PCDHGA3: variants seen among roughly 807,000 people sequenced by gnomAD.
The protein encoded by PCDHGA3 is protocadherin gamma-A3.
In PCDHGA3, 40 loss-of-function variants were observed where a neutral mutation model predicts 58.5. The ratio of observed to expected loss-of-function variants is 0.68; its 90% CI spans 0.53 to 0.89. PCDHGA3 has a LOEUF of 0.89. Among genes scored for constraint, PCDHGA3 ranks in the 40% least tolerant of loss-of-function variants. PCDHGA3 has a pLI of 0.00. For synonymous variants in PCDHGA3, 530 were observed against 525.7 expected, an observed-to-expected ratio of 1.01 and a Z score of -0.11; for missense variants, 1,223 against 1,195.9, an observed-to-expected ratio of 1.02 and a Z score of -0.33.
At position 141,372,426 on chromosome 5, in the gene PCDHGA3, C is replaced by A; in HGVS notation, c.2424+25969C>A. ...AGAGATACAACCTGACCTTAGCGAC[C>A]GCCCCACTCCCTCTGACCCTCAGGC... On this transcript the variant is annotated intron_variant, in intron 1 of 3. Coordinates refer to ENST00000253812, the MANE Select transcript of PCDHGA3 (RefSeq NM_018916.4). 1 of 1,614,026 alleles carries A rather than the reference C, an allele frequency of 6.2e-7. No individual in the cohort carries two copies. Among genetic ancestry groups the A allele is most frequent in the Non-Finnish European group, 8.5e-7 (1 of 1,179,890 alleles).
chr5:141,419,393 G>T (rs1226844501), intron 1 of PCDHGA3: 2 of 1,613,620 alleles, frequency 1.2e-6, no homozygotes, highest in Non-Finnish European at 1.7e-6. Context: ...CGCGCAGAGC[G>T]GGGTGGTGTT....
At chr5:141,422,168 G>T in intron 1 of PCDHGA3, 2 of 1,563,582 alleles carry the variant, frequency 1.3e-6, no homozygotes, top group Non-Finnish European at 1.7e-6. Context: ...GAAAAATATA[G>T]ATTCTATGAG....
chr5:141,473,479 G>GA (rs150184379), intron 1 of PCDHGA3, among the ~76,000 whole-genome samples: 6,877 of 152,218 alleles, frequency 0.045, 184 homozygotes, highest in Middle Eastern at 0.088. Flanking sequence ...AAGTTCAATG[G>GA]AAAAAATATA....
At chr5:141,351,402 A>G (rs1326706527) in intron 1 of PCDHGA3, 2 of 1,611,502 alleles carry the variant, frequency 1.2e-6, no homozygotes, top group Admixed American at 1.7e-5. Context: ...GTGACATGCT[A>G]TACTCAGGAA....
chr5:141,467,572 G>A (rs1351985954), intron 1 of PCDHGA3, among the ~76,000 whole-genome samples: 1 of 152,184 alleles, frequency 6.6e-6, no homozygotes, highest in African/African-American at 2.4e-5. Flanking sequence ...TGGCTATCCA[G>A]TTGTCCCAAT....
intron 1 of PCDHGA3, chr5:141,441,910 G>A: frequency 2.9e-6 from 1 of 349,440 alleles, no homozygotes; most frequent in Non-Finnish European, 5.5e-6. Flanking sequence ...AGACGCAGAT[G>A]TGAGACACAA....
chr5:141,397,510 C>T (rs979129643), intron 1 of PCDHGA3, among the ~76,000 whole-genome samples: 2 of 152,098 alleles, frequency 1.3e-5, no homozygotes, highest in African/African-American at 2.4e-5. Context: ...AAAATTGTTT[C>T]CATAGCTAAT....
At chr5:141,451,004 T>A (rs2098704048) in intron 1 of PCDHGA3, among the ~76,000 whole-genome samples, 1 of 151,474 alleles carries the variant, frequency 6.6e-6, no homozygotes, top group South Asian at 2.1e-4. Flanking sequence ...TTTTTGTATT[T>A]TTTTTAGTAG....
At position 141,360,833 on chromosome 5, in the gene PCDHGA3, C is replaced by T. The variant is rs760468418; in HGVS notation, c.2424+14376C>T. 6 of 1,613,964 alleles carry T rather than the reference C, an allele frequency of 3.7e-6. No homozygotes were observed. In the South Asian group the frequency reaches 5.5e-5, roughly 15 times the overall value. On this transcript the variant is annotated intron_variant, in intron 1 of 3. Coordinates refer to ENST00000253812, the MANE Select transcript of PCDHGA3 (RefSeq NM_018916.4). ...ACGACCCAAATCCGAATCAAAGTCA[C>T]GGATGCCAACGATAACCCTCCAGTG... is the stretch of plus-strand genomic sequence containing the variant.
Position 141,477,286 on chromosome 5 carries a change from A to G in PCDHGA3, c.2425-17521A>G, listed in dbSNP as rs1367207950. 1.9e-6 allele frequency: 3 copies of G among 1,614,194 alleles called. No individual in the cohort carries two copies. Among genetic ancestry groups the G allele is most frequent in the Non-Finnish European group, 8.5e-7 (1 of 1,180,034 alleles). ...GCGAGAACGGGCTGGTGACCTGCGA[A>G]GTTCCACCGGGTCTCCCTTTCAGCC... On this transcript the variant is annotated intron_variant, in intron 1 of 3. Coordinates refer to ENST00000253812, the MANE Select transcript of PCDHGA3 (RefSeq NM_018916.4). The surrounding 1 kb of genome is among the most constrained non-coding windows in gnomAD (Gnocchi z 4.9).
At position 141,478,875 on chromosome 5, in the gene PCDHGA3, G is replaced by A. The variant is rs913320768; in HGVS notation, c.2425-15932G>A. On this transcript the variant is annotated intron_variant, in intron 1 of 3. Coordinates refer to ENST00000253812, the MANE Select transcript of PCDHGA3 (RefSeq NM_018916.4). ...ACAAGATCTCAGCGATCAGAGTTTA[G>A]CTTGGTATCATTTACATTAGGAATA... The A allele has an allele frequency of 2.4e-6, 3 of 1,273,470 alleles. No homozygotes were observed. The South Asian group carries it at 4.8e-5, about 21-fold the overall frequency. 78.9% of individuals were successfully genotyped at this position (1,273,470 alleles called of 1,614,324 possible).
At chr5:141,360,584 CA>C (rs1475188649) in intron 1 of PCDHGA3, 7 of 1,613,944 alleles carry the variant, frequency 4.3e-6, no homozygotes, top group Non-Finnish European at 5.1e-6. Context: ...AAGCCAGGTA[CA>C]ACATTTCCAC....
At chr5:141,470,025 A>T (rs2099219670) in intron 1 of PCDHGA3, among the ~76,000 whole-genome samples, 1 of 152,156 alleles carries the variant, frequency 6.6e-6, no homozygotes, top group African/African-American at 2.4e-5. Context: ...GCTACTCGGG[A>T]TGCTGAGGCG....
intron 1 of PCDHGA3, among the ~76,000 whole-genome samples, chr5:141,405,786 T>C (rs72790035): frequency 0.064 from 9,727 of 151,196 alleles, 364 homozygotes; most frequent in African/African-American, 0.1. Context: ...CCCTTAACTT[T>C]CTATTATAGT....
In PCDHGA3 at chr5:141,511,007, G is replaced by C. The variant is rs780918754; in HGVS notation, c.2633G>C (p.Arg878Pro). Residue 878 changes from arginine to proline, a missense_variant, in exon 4 of 4, where the codon CGC (arginine) becomes CCC (proline). Physicochemically the swap from Arg to Pro is moderately radical, Grantham distance 103. Coordinates refer to ENST00000253812, the MANE Select transcript of PCDHGA3 (RefSeq NM_018916.4). Reference protein sequence around the residue: ...GGAGTMGLSARYGPQFTLQHV... With the variant: ...GGAGTMGLSAPYGPQFTLQHV... ...GCCGGCACCATGGGATTGAGCGCCC[G>C]CTACGGACCCCAGTTCACCCTGCAG... The C allele has an allele frequency of 1.9e-6, 3 of 1,614,042 alleles. No homozygotes were observed. The highest frequency in any genetic ancestry group is 2.7e-5 in the African/African-American group (2 of 74,910).
rs1286516342 is a variant in PCDHGA3 at position 141,344,820 on chromosome 5, A to G, written c.787A>G (p.Thr263Ala). 1.9e-6 allele frequency: 3 copies of G among 1,613,844 alleles called. No individual in the cohort carries two copies. Among genetic ancestry groups the G allele is most frequent in the Non-Finnish European group, 2.5e-6 (3 of 1,179,888 alleles). ...CGTGCCTGTGGGTACCCGGCTGCTC[A>G]CGGTGAATGCCACTGACCCTGACGA... is the stretch of plus-strand genomic sequence containing the variant. The part of the protein sequence containing the change: ...ENVPVGTRLL[T>A]VNATDPDEGF... The change falls in exon 1 of 4, where the codon ACG (threonine) becomes GCG (alanine). Residue 263 changes from threonine to alanine, a missense_variant. This residue lies in a region of PCDHGA3 where 791 missense variants were observed against 708.5 expected (regional missense o/e 1.12). Coordinates refer to ENST00000253812, the MANE Select transcript of PCDHGA3 (RefSeq NM_018916.4).
At chr5:141,375,097 G>A in intron 1 of PCDHGA3, 1 of 1,613,904 alleles carries the variant, frequency 6.2e-7, no homozygotes, top group Non-Finnish European at 8.5e-7. Flanking sequence ...TAACTATCTT[G>A]GATGTCAATG....
intron 1 of PCDHGA3, among the ~76,000 whole-genome samples, chr5:141,453,510 T>C (rs11958830): frequency 0.2 from 30,607 of 152,026 alleles, 3,435 homozygotes; most frequent in African/African-American, 0.31. Flanking sequence ...AAAATTGTCA[T>C]TCCTCCCCTA....
chr5:141,461,902 C>A (rs1477274695), intron 1 of PCDHGA3, among the ~76,000 whole-genome samples: 1 of 152,116 alleles, frequency 6.6e-6, no homozygotes, highest in African/African-American at 2.4e-5. Flanking sequence ...CGGCTCACTG[C>A]AACCTCTGCC....
Sources: gnomAD v4.1 joint callset for allele counts (sites outside exome capture counted in the v4.1 genomes callset) on GRCh38, gnomAD v4.1.1 for gene constraint, gnomAD v4.1.1 regional missense constraint, Gnocchi (gnomAD v3.1) non-coding constraint, MANE v1.5 for transcripts, NCBI Gene and HGNC (gene_info 2026-07-23, HGNC 2026-07-21) for gene names.